The following ACOXL variants were observed in gnomAD, a reference collection of about 807,000 sequenced individuals.
The protein encoded by ACOXL is acyl-CoA oxidase like.
Under a neutral mutation model 71.9 loss-of-function variants are expected in ACOXL, and 70 were observed. The observed-to-expected ratio is 0.97, with a 90% CI of 0.80 to 1.19. The LOEUF is 1.19. Ranked by LOEUF, ACOXL falls within the 50% of genes most tolerant of loss-of-function variation. The pLI is 0.00. For synonymous variants in ACOXL, 253 were observed against 281.6 expected, an observed-to-expected ratio of 0.90 and a Z score of 1.02; for missense variants, 703 against 736.3, an observed-to-expected ratio of 0.95 and a Z score of 0.52.
chr2:110,836,094 C>T (rs1365761253), intron 9 of ACOXL, among the ~76,000 whole-genome samples: 1 of 152,126 alleles, frequency 6.6e-6, no homozygotes, highest in Non-Finnish European at 1.5e-5. Context: ...AGAAGACATC[C>T]GTGGCAGAGA....
intron 14 of ACOXL, among the ~76,000 whole-genome samples, chr2:111,003,706 G>C (rs2063751268): frequency 6.6e-6 from 1 of 151,772 alleles, no homozygotes; most frequent in South Asian, 2.1e-4. Context: ...ATTTTAAAAA[G>C]CACTAAAAAT....
intron 10 of ACOXL, among the ~76,000 whole-genome samples, chr2:110,879,815 T>C (rs1198985711): frequency 6.6e-6 from 1 of 151,878 alleles, no homozygotes; most frequent in Non-Finnish European, 1.5e-5. Context: ...ACAGACTATA[T>C]AATTTCCAAA....
At chr2:111,058,359 C>CAGGT (rs2066648406) in intron 16 of ACOXL, among the ~76,000 whole-genome samples, 1 of 152,132 alleles carries the variant, frequency 6.6e-6, no homozygotes, top group Non-Finnish European at 1.5e-5. Context: ...ACAGAATTAC[C>CAGGT]AGGTGTCTAG....
At chr2:111,006,522 A>G (rs922412217) in intron 14 of ACOXL, among the ~76,000 whole-genome samples, 3 of 151,900 alleles carry the variant, frequency 2.0e-5, no homozygotes, top group Non-Finnish European at 4.4e-5. Context: ...GGCTGATTGT[A>G]GGAATGTTCT....
At chr2:111,083,564 G>GT (rs577189731) in intron 16 of ACOXL, among the ~76,000 whole-genome samples, 6,352 of 144,386 alleles carry the variant, frequency 0.044, 195 homozygotes, top group South Asian at 0.18. Context: ...GGGTTTTTTT[G>GT]TTTTTTTTTT....
At chr2:110,748,190 A>T (rs369953356) in intron 1 of ACOXL, among the ~76,000 whole-genome samples, 1 of 152,092 alleles carries the variant, frequency 6.6e-6, no homozygotes, top group African/African-American at 2.4e-5. Flanking sequence ...CTCTGAGGAG[A>T]GGAATGGGCC....
intron 12 of ACOXL, chr2:110,967,691 T>A: frequency 2.6e-6 from 1 of 381,182 alleles, no homozygotes; most frequent in Non-Finnish European, 4.7e-6. Context: ...ACAATTATAG[T>A]TGGATATTTC....
chr2:110,802,781 C>G (rs60185821), intron 8 of ACOXL, among the ~76,000 whole-genome samples: 1 of 151,978 alleles, frequency 6.6e-6, no homozygotes, highest in Non-Finnish European at 1.5e-5. Flanking sequence ...GATACTGTTA[C>G]AGTTGTATGG....
At chr2:111,053,892 A>G (rs1329272256) in intron 16 of ACOXL, among the ~76,000 whole-genome samples, 1 of 152,236 alleles carries the variant, frequency 6.6e-6, no homozygotes, top group African/African-American at 2.4e-5. Flanking sequence ...GTCAGAGGAA[A>G]GTGGCCCTTG....
At chr2:110,981,908 T>A (rs1457310847) in intron 12 of ACOXL, among the ~76,000 whole-genome samples, 3 of 152,178 alleles carry the variant, frequency 2.0e-5, no homozygotes, top group Non-Finnish European at 4.4e-5. Context: ...ACATAGTAAG[T>A]GCTCCATAAA....
chr2:110,859,256 G>A (rs1693649144), intron 10 of ACOXL, among the ~76,000 whole-genome samples: 1 of 152,170 alleles, frequency 6.6e-6, no homozygotes, highest in Non-Finnish European at 1.5e-5. Flanking sequence ...TGTAGTCTGG[G>A]TGGCTTTTGT....
intron 12 of ACOXL, among the ~76,000 whole-genome samples, chr2:110,983,920 G>C (rs1018907186): frequency 2.0e-5 from 3 of 152,082 alleles, no homozygotes; most frequent in African/African-American, 7.2e-5. Flanking sequence ...TGTGATCTCA[G>C]CTCACTGCAA....
At chr2:110,743,645 G>A (rs1227532656) in intron 1 of ACOXL, among the ~76,000 whole-genome samples, 1 of 152,102 alleles carries the variant, frequency 6.6e-6, no homozygotes, top group African/African-American at 2.4e-5. Context: ...TGAGGCTGGC[G>A]GAAGGACCAA....
Position 110,941,989 on chromosome 2 carries a change from G to A in ACOXL, c.1059+8347G>A, listed in dbSNP as rs549484500. On this transcript the variant is annotated intron_variant, in intron 12 of 17. Transcript: ENST00000439055. The stretch of plus-strand genomic sequence containing the variant: ...CAAAAATAATAACAATGTAGTGTGA[G>A]GTTTATAACATCCATGAAAATAGAA... Among the ~76,000 whole-genome samples, 61 of 152,196 alleles carry A rather than the reference G, an allele frequency of 4.0e-4. No homozygotes were observed. In the South Asian group the frequency reaches 0.012, roughly 31 times the overall value.
At chr2:110,889,760 T>G (rs939810340) in intron 10 of ACOXL, among the ~76,000 whole-genome samples, 1 of 152,232 alleles carries the variant, frequency 6.6e-6, no homozygotes, top group African/African-American at 2.4e-5. Flanking sequence ...GACATTGGGT[T>G]GCTTCCACTT....
intron 1 of ACOXL, among the ~76,000 whole-genome samples, chr2:110,741,139 G>A (rs1573281884): frequency 1.3e-5 from 2 of 152,174 alleles, no homozygotes; most frequent in Non-Finnish European, 2.9e-5. Context: ...CTGGGCTTCC[G>A]ATTCCTCAAG....
chr2:110,914,237 T>C (rs575052385), intron 11 of ACOXL, among the ~76,000 whole-genome samples: 43 of 152,328 alleles, frequency 2.8e-4, no homozygotes, highest in Admixed American at 7.2e-4. Context: ...GTATTTTTTT[T>C]CCCCTCGAAA....
intron 17 of ACOXL, among the ~76,000 whole-genome samples, chr2:111,107,409 GAA>G (rs1201829475): frequency 2.0e-5 from 3 of 152,196 alleles, no homozygotes; most frequent in Non-Finnish European, 4.4e-5. Flanking sequence ...GAGAAATAGG[GAA>G]AAACATATCC....
intron 10 of ACOXL, among the ~76,000 whole-genome samples, chr2:110,872,735 T>A (rs147776659): frequency 6.6e-6 from 1 of 152,326 alleles, no homozygotes; most frequent in African/African-American, 2.4e-5. Flanking sequence ...GTTTCAGTTC[T>A]TAAGAGTGAT....
Sources: gnomAD v4.1 joint callset for allele counts (sites outside exome capture counted in the v4.1 genomes callset) on GRCh38, gnomAD v4.1.1 for gene constraint, MANE v1.5 for transcripts, NCBI Gene and HGNC (gene_info 2026-07-23, HGNC 2026-07-21) for gene names.